The following ROBO1 variants were observed in gnomAD, a reference collection of about 807,000 sequenced individuals.
The protein encoded by ROBO1 is roundabout homolog 1.
ROBO1 carries 149 observed loss-of-function variants against 195.9 expected under a neutral mutation model. That is an observed-to-expected ratio of 0.76 (90% CI 0.67 to 0.87). The LOEUF (loss-of-function observed/expected upper bound fraction) is 0.87, where lower values mean the gene tolerates loss of function less well. ROBO1 is among the 40% of genes least tolerant of loss of function. The probability of loss-of-function intolerance (pLI) is 0.00; values close to 1 mark genes in which losing one functional copy is unlikely to be tolerated. For missense variants in ROBO1, 1,933 were observed against 2,068.3 expected (o/e 0.93, Z 1.27); for synonymous variants, 816 against 733.2 (o/e 1.11, Z -1.82).
Position 78,685,838 on chromosome 3 carries a change from T to C in ROBO1, c.1250A>G (p.Asn417Ser), listed in dbSNP as rs1057308108. Residue 417 changes from asparagine (N) to serine (S), a missense_variant, in exon 10 of 31, where the codon AAT (asparagine) becomes AGT (serine). Physicochemically the swap from Asn to Ser is conservative, Grantham distance 46. This residue lies in a region of ROBO1 where 1,737 missense variants were observed against 1,882.5 expected (regional missense o/e 0.92). Coordinates refer to ENST00000464233, the MANE Select transcript of ROBO1 (RefSeq NM_002941.4). ...VSQTGDLTIT[N>S]VQRSDVGYYI... is the part of the protein sequence containing the mutation. ...ATAACCAACATCAGATCGCTGGACA[T>C]TAGTAATTGTGAGGTCGCCAGTCTG... is the stretch of plus-strand genomic sequence containing the variant. The C allele has an allele frequency of 1.9e-6, 3 of 1,611,372 alleles. No homozygotes were observed. Among genetic ancestry groups the C allele is most frequent in the Non-Finnish European group, 2.5e-6 (3 of 1,178,332 alleles).
At chr3:78,903,942 T>G (rs1294642671) in intron 4 of ROBO1, among the ~76,000 whole-genome samples, 1 of 152,026 alleles carries the variant, frequency 6.6e-6, no homozygotes, top group Non-Finnish European at 1.5e-5. Flanking sequence ...TTTGAGGGTA[T>G]TCTCCTGATC....
At chr3:79,617,138 C>T (rs1944850082) in intron 1 of ROBO1, among the ~76,000 whole-genome samples, 1 of 152,078 alleles carries the variant, frequency 6.6e-6, no homozygotes, top group South Asian at 2.1e-4. Flanking sequence ...TATCCCTCTC[C>T]CTACACCACC....
chr3:79,590,065 GA>G, intron 1 of ROBO1, 104 bp from the exon 2 acceptor site: 1 of 520,454 alleles, frequency 1.9e-6, no homozygotes, highest in Non-Finnish European at 3.5e-6. Context: ...GTCATTTTTT[GA>G]AATAATGAAA....
chr3:78,823,536 C>T (rs1057111067), intron 4 of ROBO1, among the ~76,000 whole-genome samples: 4 of 152,164 alleles, frequency 2.6e-5, no homozygotes, highest in East Asian at 1.9e-4. Context: ...TCCATATATA[C>T]GTGTGGCGGA....
chr3:79,643,413 A>G lies in ROBO1; in HGVS notation c.-50-53452T>C, dbSNP rs537901435. ...CTCCTTAATAAACTCCCGTTCATAT[A>G]TACATCTATCCTATTAGTTCTACCT... On this transcript the variant is annotated intron_variant, in intron 1 of 30. Transcript: ENST00000464233. 1.7e-4 allele frequency among the ~76,000 whole-genome samples: 26 copies of G among 152,302 alleles called. No individual in the cohort carries two copies. In the South Asian group the frequency reaches 5.4e-3, roughly 32 times the overall value.
chr3:79,758,051 C>G (rs996742791), intron 1 of ROBO1, among the ~76,000 whole-genome samples: 2 of 152,194 alleles, frequency 1.3e-5, no homozygotes, highest in Admixed American at 6.5e-5. Context: ...CTTACCAACA[C>G]AATCATTAGT....
chr3:79,668,810 C>T (rs781693485), intron 1 of ROBO1, among the ~76,000 whole-genome samples: 15 of 151,676 alleles, frequency 9.9e-5, no homozygotes, highest in Non-Finnish European at 2.2e-4. Flanking sequence ...TATTGAATAG[C>T]CTTGGAAATT....
intron 2 of ROBO1, among the ~76,000 whole-genome samples, chr3:79,133,863 G>A (rs2080342376): frequency 6.7e-6 from 1 of 149,450 alleles, no homozygotes; most frequent in Non-Finnish European, 1.5e-5. Context: ...TGGGTTTTCG[G>A]TGTAGATGTC....
chr3:78,620,609 A>G (rs1411757546), intron 26 of ROBO1, among the ~76,000 whole-genome samples: 1 of 152,198 alleles, frequency 6.6e-6, no homozygotes, highest in Non-Finnish European at 1.5e-5. Flanking sequence ...AAAATAAATG[A>G]TTATTAAAAA....
chr3:79,501,848 G>A (rs1940089446), intron 2 of ROBO1, among the ~76,000 whole-genome samples: 1 of 152,040 alleles, frequency 6.6e-6, no homozygotes, highest in Non-Finnish European at 1.5e-5. Context: ...TATGAATAAC[G>A]GCCAGTATCA....
At chr3:78,858,617 G>A (rs1047791018) in intron 4 of ROBO1, among the ~76,000 whole-genome samples, 75 of 150,644 alleles carry the variant, frequency 5.0e-4, no homozygotes, top group African/African-American at 1.8e-3. Context: ...GGGCATGGTA[G>A]CGCAGGCTTG....
intron 1 of ROBO1, among the ~76,000 whole-genome samples, chr3:79,719,945 T>C (rs967538609): frequency 5.9e-5 from 9 of 152,246 alleles, no homozygotes; most frequent in African/African-American, 2.2e-4. Context: ...CTTTTGGTAG[T>C]TGGGTAAAGA....
chr3:79,551,131 T>C (rs889361520), intron 2 of ROBO1, among the ~76,000 whole-genome samples: 2 of 152,068 alleles, frequency 1.3e-5, no homozygotes, highest in African/African-American at 4.8e-5. Flanking sequence ...TTAAGTTTAT[T>C]ATAAACTTAC....
At chr3:79,109,210 T>G (rs1159066082) in intron 3 of ROBO1, among the ~76,000 whole-genome samples, 1 of 151,860 alleles carries the variant, frequency 6.6e-6, no homozygotes, top group Non-Finnish European at 1.5e-5. Flanking sequence ...GGGTACTTAT[T>G]CAAAGTTCTG....
intron 2 of ROBO1, among the ~76,000 whole-genome samples, chr3:79,205,610 G>A (rs776905409): frequency 6.6e-6 from 1 of 151,916 alleles, no homozygotes; most frequent in Non-Finnish European, 1.5e-5. Flanking sequence ...GCATTCTCTT[G>A]GCATGTATTT....
chr3:79,550,898 C>A (rs75714141), intron 2 of ROBO1, among the ~76,000 whole-genome samples: 2,578 of 152,198 alleles, frequency 0.017, 47 homozygotes, highest in Middle Eastern at 0.079. Context: ...AGAAGTAGGA[C>A]CTTTAAGATG....
At chr3:79,097,888 A>C (rs995358490) in intron 3 of ROBO1, among the ~76,000 whole-genome samples, 6 of 151,532 alleles carry the variant, frequency 4.0e-5, no homozygotes, top group Admixed American at 3.3e-4. Context: ...CTGTGGAAAA[A>C]GAATAGTTCT....
chr3:79,393,336 C>T (rs965224133), intron 2 of ROBO1, among the ~76,000 whole-genome samples: 2 of 152,174 alleles, frequency 1.3e-5, no homozygotes, highest in African/African-American at 2.4e-5. Flanking sequence ...AAGGAGTATT[C>T]GGTAATTTGA....
At chr3:79,544,645 A>G in intron 2 of ROBO1, among the ~76,000 whole-genome samples, 1 of 152,050 alleles carries the variant, frequency 6.6e-6, no homozygotes. Flanking sequence ...TAGGTTTATA[A>G]AAATTTTTGT....
Sources: gnomAD v4.1 joint callset for allele counts (sites outside exome capture counted in the v4.1 genomes callset) on GRCh38, gnomAD v4.1.1 for gene constraint, gnomAD v4.1.1 regional missense constraint, MANE v1.5 for transcripts, NCBI Gene and HGNC (gene_info 2026-07-23, HGNC 2026-07-21) for gene names.